The following ZFHX3 variants were observed in gnomAD, a reference collection of about 807,000 sequenced individuals.
ZFHX3 encodes zinc finger homeobox 3.
ZFHX3 carries 42 observed loss-of-function variants against 279.1 expected under a neutral mutation model. The observed-to-expected ratio is 0.15, with a 90% CI of 0.12 to 0.19. The LOEUF (loss-of-function observed/expected upper bound fraction) is 0.19. Among genes scored for constraint, ZFHX3 ranks in the 10% least tolerant of loss-of-function variants. The probability of loss-of-function intolerance (pLI) is 1.00; values close to 1 mark genes in which losing one functional copy is unlikely to be tolerated. For missense variants in ZFHX3, 4,981 were observed against 4,754.0 expected (o/e 1.05, Z -1.40); for synonymous variants, 2,293 against 1,957.8 (o/e 1.17, Z -4.52).
intron 9 of ZFHX3, chr16:72,789,057 C>T: frequency 2.1e-6 from 1 of 467,094 alleles, no homozygotes; most frequent in Non-Finnish European, 3.7e-6. Flanking sequence ...TAGGTCAGCT[C>T]CCATACTTCC....
chr16:73,317,473 A>G (rs1225866986), intron 4 of ZFHX3, among the ~76,000 whole-genome samples: 3 of 152,302 alleles, frequency 2.0e-5, no homozygotes, highest in South Asian at 2.1e-4. Flanking sequence ...TCAAATATTC[A>G]TCATGTAGCT....
At chr16:73,811,623 T>C (rs973141194) in intron 1 of ZFHX3, among the ~76,000 whole-genome samples, 2 of 151,950 alleles carry the variant, frequency 1.3e-5, no homozygotes, top group African/African-American at 4.8e-5. Context: ...ATTTTTGTAT[T>C]TTTAATAGAG....
At chr16:73,171,544 A>G (rs1042838043) in intron 5 of ZFHX3, among the ~76,000 whole-genome samples, 1 of 151,856 alleles carries the variant, frequency 6.6e-6, no homozygotes, top group East Asian at 1.9e-4. Flanking sequence ...GTTCCTTGCA[A>G]TTTCACAGCC....
intron 1 of ZFHX3, among the ~76,000 whole-genome samples, chr16:73,053,640 A>T (rs1965490442): frequency 6.6e-6 from 1 of 152,172 alleles, no homozygotes; most frequent in East Asian, 1.9e-4. Context: ...GTGTTTAACC[A>T]GATTTGAAGC....
chr16:72,883,017 T>C (rs1236127671), intron 4 of ZFHX3, among the ~76,000 whole-genome samples: 1 of 145,944 alleles, frequency 6.9e-6, no homozygotes. Context: ...TGTGTGTGTG[T>C]GTGTGTGTGT....
At chr16:72,837,619 C>T (rs1332478567) in intron 4 of ZFHX3, among the ~76,000 whole-genome samples, 1 of 146,184 alleles carries the variant, frequency 6.8e-6, no homozygotes, top group East Asian at 1.9e-4. Flanking sequence ...GCACATGCCA[C>T]CACGCCTAGA....
At chr16:73,885,645 G>A (rs1360823593) in intron 1 of ZFHX3, among the ~76,000 whole-genome samples, 3 of 152,120 alleles carry the variant, frequency 2.0e-5, no homozygotes, top group Non-Finnish European at 2.9e-5. Flanking sequence ...TGGGAGAAGG[G>A]CTACTGAATA....
intron 2 of ZFHX3, among the ~76,000 whole-genome samples, chr16:73,647,872 C>A (rs1347958144): frequency 3.3e-5 from 5 of 151,928 alleles, no homozygotes; most frequent in Non-Finnish European, 1.5e-5. Flanking sequence ...AAAAATGGGT[C>A]AAAATATGCA....
At chr16:73,010,365 C>A (rs565347815) in intron 1 of ZFHX3, among the ~76,000 whole-genome samples, 1 of 152,306 alleles carries the variant, frequency 6.6e-6, no homozygotes, top group South Asian at 2.1e-4. Context: ...AAACAAAAGA[C>A]GGATGACAGG....
intron 7 of ZFHX3, among the ~76,000 whole-genome samples, chr16:73,124,417 C>G (rs552985055): frequency 9.9e-5 from 15 of 152,266 alleles, no homozygotes; most frequent in African/African-American, 3.6e-4. Flanking sequence ...CCCCTATGAC[C>G]TAATCACTTC....
chr16:73,584,146 GA>G (rs1429742709), intron 2 of ZFHX3, among the ~76,000 whole-genome samples: 9 of 152,074 alleles, frequency 5.9e-5, no homozygotes, highest in South Asian at 4.1e-4. Flanking sequence ...CAGAAAATGT[GA>G]AAAAGTGGTT....
intron 2 of ZFHX3, among the ~76,000 whole-genome samples, chr16:73,567,543 G>A (rs1002631425): frequency 2.0e-5 from 3 of 152,098 alleles, no homozygotes; most frequent in Non-Finnish European, 4.4e-5. Flanking sequence ...CAACATTCTC[G>A]TTTGCCAAGG....
intron 4 of ZFHX3, among the ~76,000 whole-genome samples, chr16:73,269,434 T>C (rs1033431137): frequency 2.1e-4 from 32 of 152,378 alleles, no homozygotes; most frequent in African/African-American, 7.5e-4. Flanking sequence ...TATTTTTTGT[T>C]AGCGACTTCT....
intron 1 of ZFHX3, among the ~76,000 whole-genome samples, chr16:73,683,193 T>C (rs1255284405): frequency 2.0e-5 from 3 of 152,160 alleles, no homozygotes; most frequent in South Asian, 2.1e-4. Flanking sequence ...GCGATGTATA[T>C]AATGGGTGAA....
chr16:73,870,910 C>T (rs960924486), intron 1 of ZFHX3, among the ~76,000 whole-genome samples: 2 of 152,142 alleles, frequency 1.3e-5, no homozygotes, highest in African/African-American at 2.4e-5. Context: ...CCAACAATGA[C>T]TCAATGGGCA....
At position 72,958,700 on chromosome 16, in the gene ZFHX3, T is replaced by G; in HGVS notation, c.1446A>C (p.Glu482Asp). 1.9e-6 allele frequency: 3 copies of G among 1,613,742 alleles called. No homozygotes were observed. Among genetic ancestry groups the G allele is most frequent in the Non-Finnish European group, 2.5e-6 (3 of 1,179,918 alleles). The change falls in exon 2 of 10, where the codon GAA becomes GAC. Residue 482 changes from glutamate (E) to aspartate (D), a missense_variant. Glu to Asp is a conservative substitution (Grantham distance 45). This residue lies in a region of ZFHX3 where 1,068 missense variants were observed against 935.2 expected (regional missense o/e 1.14). Transcript: ENST00000268489. ...AEEEEEEEEE[E>D]EEEEEDEGCK... ...AACCCTCGTCTTCCTCCTCCTCTTCTTCCTCCTCCTCTTCTTCCTCCTCCT... is the reference window on the plus strand; with the variant it reads ...AACCCTCGTCTTCCTCCTCCTCTTCGTCCTCCTCCTCTTCTTCCTCCTCCT...
chr16:73,233,290 T>C (rs957136282), intron 5 of ZFHX3, among the ~76,000 whole-genome samples: 3 of 151,924 alleles, frequency 2.0e-5, no homozygotes, highest in African/African-American at 7.3e-5. Flanking sequence ...AGCTACGGTA[T>C]GCCAGGGTAT....
At chr16:73,516,974 T>C (rs939631442) in intron 2 of ZFHX3, among the ~76,000 whole-genome samples, 11 of 152,220 alleles carry the variant, frequency 7.2e-5, no homozygotes, top group African/African-American at 2.7e-4. Context: ...TGAGATCAAG[T>C]ACAGAAAAAC....
In ZFHX3 at chr16:72,788,855, G is replaced by C. The variant is rs1401003882; in HGVS notation, c.9428-7C>G. ...GGCTTAGGAGACGTTAAAGCTGAAA[G>C]GAATGGAGACAGAAATCACCGGTCA... On this transcript the variant is annotated splice_polypyrimidine_tract_variant and splice_region_variant and intron_variant, in intron 9 of 9. Transcript: ENST00000268489. 6.6e-7 allele frequency: 1 copy of C among 1,517,118 alleles called. No individual in the cohort carries two copies. Among genetic ancestry groups the C allele is most frequent in the East Asian group, 2.3e-5 (1 of 44,042 alleles). 94.0% of individuals were successfully genotyped at this position (1,517,118 alleles called of 1,614,324 possible).
Sources: allele counts gnomAD v4.1 joint callset (sites outside exome capture counted in the v4.1 genomes callset), GRCh38; gene constraint gnomAD v4.1.1; regional missense constraint gnomAD v4.1.1; transcripts MANE v1.5; gene names NCBI Gene and HGNC (gene_info 2026-07-23, HGNC 2026-07-21).